The following DLG3 variants were observed in gnomAD, a reference collection of about 807,000 sequenced individuals.
The protein encoded by DLG3 is discs large MAGUK scaffold protein 3, also known as disks large homolog 3.
Under a neutral mutation model 64.1 loss-of-function variants are expected in DLG3, and 1 was observed. The ratio of observed to expected loss-of-function variants is 0.02; its 90% confidence interval spans 0.01 to 0.07. DLG3 has a LOEUF of 0.07. DLG3 is among the 10% of genes least tolerant of loss of function. DLG3 has a pLI of 1.00. For missense variants in DLG3, 429 were observed against 669.5 expected (o/e 0.64, Z 3.96); for synonymous variants, 245 against 259.8 (o/e 0.94, Z 0.55).
At chrX:70,457,668 T>C (rs1470421494) in intron 9 of DLG3, among the ~76,000 whole-genome samples, 2 of 91,120 alleles carry the variant, frequency 2.2e-5, no homozygotes, top group Non-Finnish European at 2.2e-5. Flanking sequence ...GCCTCCCAAG[T>C]TCAAGCGATT....
intron 13 of DLG3, among the ~76,000 whole-genome samples, chrX:70,496,423 G>A (rs747609254): frequency 7.1e-5 from 8 of 112,438 alleles, no homozygotes; most frequent in African/African-American, 2.6e-4. Flanking sequence ...TTGGATGGGC[G>A]GGCTTTGTTT....
chrX:70,468,494 G>A (rs2147815676), intron 9 of DLG3, among the ~76,000 whole-genome samples: 1 of 111,413 alleles, frequency 9.0e-6, no homozygotes, highest in East Asian at 2.8e-4. Context: ...GGCATGTTTT[G>A]TTTTCTGTTT....
intron 18 of DLG3, among the ~76,000 whole-genome samples, chrX:70,501,579 CT>C (rs1569298378): frequency 9.0e-6 from 1 of 111,408 alleles, no homozygotes; most frequent in Non-Finnish European, 1.9e-5. Context: ...ACTAGGTTAA[CT>C]GTGTAAAGAA....
intron 12 of DLG3, among the ~76,000 whole-genome samples, chrX:70,493,863 G>A (rs1351199532): frequency 8.9e-6 from 1 of 112,539 alleles, no homozygotes; most frequent in Non-Finnish European, 1.9e-5. Flanking sequence ...GGGACTCAGT[G>A]TTGCTCTCCT....
chrX:70,445,320 G>A lies in DLG3; in HGVS notation c.119G>A (p.Gly40Glu), dbSNP rs1220564179. Residue 40 changes from glycine to glutamate, a missense_variant, in exon 1 of 19, where the codon GGG (glycine) becomes GAG (glutamate). By Grantham distance (98) the Gly-to-Glu change is moderately conservative. Around this residue, in one of 9 missense-constraint regions of DLG3, gnomAD observed 123 missense variants for 113.3 expected, o/e 1.09. Coordinates refer to ENST00000374360, the MANE Select transcript of DLG3 (RefSeq NM_021120.4). ...GACTGGCAAGTCCCCGACCCTTACGGGCCAGGTGGGGGCAACGGCGCCAGC... is the reference window on the plus strand; with the variant it reads ...GACTGGCAAGTCCCCGACCCTTACGAGCCAGGTGGGGGCAACGGCGCCAGC... ...YGDWQVPDPY[G>E]PGGGNGASAG... The A allele has an allele frequency of 8.6e-7, 1 of 1,167,217 alleles. No homozygotes were observed. The highest frequency in any genetic ancestry group is 2.5e-5 in the Admixed American group (1 of 39,485).
intron 9 of DLG3, among the ~76,000 whole-genome samples, chrX:70,477,538 T>C (rs929080061): frequency 3.6e-5 from 4 of 111,536 alleles, no homozygotes; most frequent in Non-Finnish European, 7.5e-5. Flanking sequence ...ACCTCATTGA[T>C]ATTGATGGCT....
intron 18 of DLG3, among the ~76,000 whole-genome samples, chrX:70,501,409 CTGTCTGTGTGTGTG>C (rs1863923133): frequency 1.3e-5 from 1 of 75,163 alleles, no homozygotes; most frequent in African/African-American, 5.1e-5. Context: ...GTCTGTCTGT[CTGTCTGTGTGTGTG>C]TGTGTGTGTG....
chrX:70,455,119 C>T, intron 9 of DLG3: 2 of 715,706 alleles, frequency 2.8e-6, no homozygotes, highest in Non-Finnish European at 3.3e-6. Flanking sequence ...TCAGGCGTCT[C>T]CTCCTCCTCC....
At chrX:70,491,822 C>G (rs780692389) in intron 10 of DLG3, among the ~76,000 whole-genome samples, 3 of 112,225 alleles carry the variant, frequency 2.7e-5, no homozygotes, top group African/African-American at 9.7e-5. Flanking sequence ...TGAGCGAGTT[C>G]TACTTTGGAC....
At chrX:70,449,571 A>G in intron 3 of DLG3, 88 bp downstream of exon 3, 2 of 406,295 alleles carry the variant, frequency 4.9e-6, no homozygotes, top group South Asian at 2.5e-5. Flanking sequence ...TGACCCTTCC[A>G]TTAGATCTGA....
chrX:70,448,843 C>G (rs2147769387), intron 1 of DLG3, 70 bp from the exon 2 acceptor site: 6 of 1,143,446 alleles, frequency 5.2e-6, no homozygotes, highest in Non-Finnish European at 7.1e-6. Context: ...GGGGAGGAGG[C>G]AGGTTGACTA....
At chrX:70,477,311 TC>T (rs1271271950) in intron 9 of DLG3, among the ~76,000 whole-genome samples, 2 of 112,431 alleles carry the variant, frequency 1.8e-5, no homozygotes, top group East Asian at 5.6e-4. Flanking sequence ...TGACTTATCT[TC>T]CCCTAAGAAA....
chrX:70,468,927 T>C (rs922072193), intron 9 of DLG3, among the ~76,000 whole-genome samples: 14 of 111,411 alleles, frequency 1.3e-4, no homozygotes, highest in Non-Finnish European at 2.4e-4. Flanking sequence ...TTAGAAGGGA[T>C]CTTAGAAATT....
intron 10 of DLG3, among the ~76,000 whole-genome samples, chrX:70,482,740 GGCTCACTACAA>G (rs2087185851): frequency 1.0e-5 from 1 of 98,005 alleles, no homozygotes; most frequent in African/African-American, 3.9e-5. Context: ...GCGCGATATA[GGCTCACTACAA>G]GCTCCGCCTC....
intron 1 of DLG3, among the ~76,000 whole-genome samples, chrX:70,445,854 A>AATG (rs2147765768): frequency 1.3e-5 from 1 of 79,586 alleles, no homozygotes; most frequent in Admixed American, 1.7e-4. Flanking sequence ...GGGGTTTGGC[A>AATG]ATGTCTCTGT....
rs1454763064 is a variant in DLG3 at position 70,472,335 on chromosome X, T to C, written c.1406-6815T>C. 7.2e-5 allele frequency among the ~76,000 whole-genome samples: 8 copies of C among 111,255 alleles called. No individual in the cohort carries two copies. The East Asian group carries it at 2.3e-3, about 32-fold the overall frequency. ...TGGGAGGCCGAGGTGGGTGGATCAC[T>C]TGAGGCCAGGAGTTTGAGACTAGCC... is the stretch of plus-strand genomic sequence containing the variant. On this transcript the variant is annotated intron_variant, in intron 9 of 18. Transcript: ENST00000374360.
intron 9 of DLG3, among the ~76,000 whole-genome samples, chrX:70,461,844 G>A (rs761312977): frequency 1.8e-5 from 2 of 111,831 alleles, no homozygotes; most frequent in African/African-American, 6.5e-5. Context: ...ATAGGCATGA[G>A]CCACCATGCC....
intron 9 of DLG3, among the ~76,000 whole-genome samples, chrX:70,472,449 G>A (rs1007097407): frequency 4.5e-5 from 5 of 111,474 alleles, no homozygotes; most frequent in African/African-American, 6.5e-5. Context: ...CAGCTACTCC[G>A]GATGCTGAGG....
In DLG3 at chrX:70,492,544, G is replaced by A. The variant is rs149595793; in HGVS notation, c.1721G>A (p.Arg574Gln). Residue 574 changes from arginine to glutamine, a missense_variant, in exon 12 of 19, where the codon CGA becomes CAA. Coordinates refer to ENST00000374360, the MANE Select transcript of DLG3 (RefSeq NM_021120.4). ...AGGGTGGAAAAGAAAGAAAGAGCTC[G>A]ATTGAAAACTGTGAAGTTCCATGCC... ...KKRVEKKERA[R>Q]LKTVKFHART... The A allele has an allele frequency of 3.5e-5, 42 of 1,209,704 alleles. No individual in the cohort carries two copies. Among genetic ancestry groups the A allele is most frequent in the Admixed American group, 6.6e-5 (3 of 45,774 alleles).
Sources: gnomAD v4.1 joint callset for allele counts (sites outside exome capture counted in the v4.1 genomes callset) on GRCh38, gnomAD v4.1.1 for gene constraint, gnomAD v4.1.1 regional missense constraint, MANE v1.5 for transcripts, NCBI Gene and HGNC (gene_info 2026-07-23, HGNC 2026-07-21) for gene names.